Variants in GRID1 observed in about 807,000 individuals in gnomAD.
GRID1 encodes the protein glutamate ionotropic receptor delta type subunit 1, also known as glutamate receptor ionotropic, delta-1.
In GRID1, 28 loss-of-function variants were observed where a neutral mutation model predicts 98.0. The observed-to-expected ratio is 0.29, with a 90% CI of 0.21 to 0.39. The LOEUF is 0.39. Among genes scored for constraint, GRID1 ranks in the 10% least tolerant of loss-of-function variants. The pLI is 1.00. For synonymous variants in GRID1, 553 were observed against 538.5 expected, an observed-to-expected ratio of 1.03 and a Z score of -0.37; for missense variants, 1,111 against 1,340.5, an observed-to-expected ratio of 0.83 and a Z score of 2.67.
At chr10:86,270,942 G>A (rs1460701371) in intron 2 of GRID1, among the ~76,000 whole-genome samples, 1 of 152,178 alleles carries the variant, frequency 6.6e-6, no homozygotes, top group African/African-American at 2.4e-5. Context: ...TGACACAGGA[G>A]GCAGAGTCTA....
chr10:86,210,718 A>G (rs1157264382), intron 2 of GRID1, among the ~76,000 whole-genome samples: 1 of 152,258 alleles, frequency 6.6e-6, no homozygotes, highest in Non-Finnish European at 1.5e-5. Flanking sequence ...CCAGGCGCTA[A>G]TGGAGAGGCC....
At chr10:85,624,778 T>C (rs953855564) in intron 13 of GRID1, among the ~76,000 whole-genome samples, 4 of 152,192 alleles carry the variant, frequency 2.6e-5, no homozygotes, top group African/African-American at 9.6e-5. Context: ...TGTTTAAAGC[T>C]GCTCATGTCT....
chr10:86,197,746 C>T (rs1006727425), intron 3 of GRID1, among the ~76,000 whole-genome samples: 15 of 152,026 alleles, frequency 9.9e-5, no homozygotes, highest in Admixed American at 3.3e-4. Flanking sequence ...TGTCTCCAGA[C>T]GCACTCTGGA....
chr10:85,643,006 G>A (rs113051716), intron 13 of GRID1, among the ~76,000 whole-genome samples: 2,354 of 152,154 alleles, frequency 0.015, 65 homozygotes, highest in African/African-American at 0.053. Context: ...TTCTGATACC[G>A]TGGACAAGTG....
intron 3 of GRID1, among the ~76,000 whole-genome samples, chr10:86,141,303 G>T (rs1037571304): frequency 1.3e-5 from 2 of 152,174 alleles, no homozygotes; most frequent in Non-Finnish European, 2.9e-5. Flanking sequence ...GGGCCATGGG[G>T]ATCTGTAGCT....
chr10:86,053,933 C>A (rs1374271548), intron 4 of GRID1, among the ~76,000 whole-genome samples: 2 of 152,228 alleles, frequency 1.3e-5, no homozygotes, highest in Non-Finnish European at 2.9e-5. Flanking sequence ...CTCTTACACA[C>A]ACAGTCAGCC....
chr10:85,633,414 G>A (rs145630387), intron 13 of GRID1, among the ~76,000 whole-genome samples: 4 of 152,098 alleles, frequency 2.6e-5, no homozygotes, highest in Admixed American at 6.5e-5. Context: ...TGCCTTTAAC[G>A]GAGCGTTTGA....
intron 3 of GRID1, among the ~76,000 whole-genome samples, chr10:86,156,897 TG>T (rs1303490543): frequency 6.7e-6 from 1 of 150,194 alleles, no homozygotes; most frequent in African/African-American, 2.5e-5. Context: ...TGGACAAGAG[TG>T]GGAGGTGTGG....
At chr10:86,250,631 T>A (rs12783520) in intron 2 of GRID1, among the ~76,000 whole-genome samples, 3 of 135,806 alleles carry the variant, frequency 2.2e-5, no homozygotes, top group South Asian at 2.3e-4. Flanking sequence ...CCAGCTGCCC[T>A]GTCTGGGAGG....
At chr10:85,638,025 ATACT>A (rs1422332934) in intron 13 of GRID1, among the ~76,000 whole-genome samples, 1 of 152,220 alleles carries the variant, frequency 6.6e-6, no homozygotes, top group East Asian at 1.9e-4. Flanking sequence ...TATAGCTCTA[ATACT>A]TATATTAGGA....
At chr10:86,063,949 T>G (rs767961260) in intron 4 of GRID1, among the ~76,000 whole-genome samples, 27 of 152,190 alleles carry the variant, frequency 1.8e-4, no homozygotes, top group Non-Finnish European at 2.6e-4. Context: ...AAACCAACGC[T>G]ATTTACTACC....
At chr10:85,866,793 C>A (rs1843225680) in intron 6 of GRID1, among the ~76,000 whole-genome samples, 1 of 152,264 alleles carries the variant, frequency 6.6e-6, no homozygotes, top group Non-Finnish European at 1.5e-5. Flanking sequence ...TGGCTAGTAA[C>A]TAGAGTTATC....
chr10:85,794,078 A>G (rs78451629), intron 8 of GRID1, among the ~76,000 whole-genome samples: 5,072 of 152,314 alleles, frequency 0.033, 127 homozygotes, highest in Non-Finnish European at 0.047. Flanking sequence ...CTTGAAGGAC[A>G]GCATCTCCGA....
chr10:86,159,129 C>T lies in GRID1; in HGVS notation c.521-20105G>A, dbSNP rs995605894. On this transcript the variant is annotated intron_variant, in intron 3 of 15. Coordinates refer to ENST00000327946, the MANE Select transcript of GRID1 (RefSeq NM_017551.3). Reference sequence around the variant, plus strand: ...CAGGATGGTCTCAATCTCCTGACCTCGTGATCCGCCTGCCTCGGCCTCCCA... The same window carrying T: ...CAGGATGGTCTCAATCTCCTGACCTTGTGATCCGCCTGCCTCGGCCTCCCA... Among the ~76,000 whole-genome samples the T allele has an allele frequency of 2.6e-5, 4 of 152,170 alleles. No individual in the cohort carries two copies. The South Asian group carries it at 6.3e-4, about 24-fold the overall frequency.
At chr10:86,186,534 A>C (rs1845727730) in intron 3 of GRID1, among the ~76,000 whole-genome samples, 1 of 151,846 alleles carries the variant, frequency 6.6e-6, no homozygotes, top group African/African-American at 2.4e-5. Context: ...TCTCTAAGGG[A>C]CAATGGGGCT....
At chr10:86,142,691 G>A (rs551231342) in intron 3 of GRID1, among the ~76,000 whole-genome samples, 216 of 152,320 alleles carry the variant, frequency 1.4e-3, no homozygotes, top group Admixed American at 4.2e-3. Context: ...CTTTCTGCAC[G>A]TTTACATAAG....
Position 85,721,702 on chromosome 10 carries a change from G to T in GRID1, c.1997+1301C>A, listed in dbSNP as rs551523056. Among the ~76,000 whole-genome samples the T allele has an allele frequency of 6.6e-5, 10 of 152,312 alleles. No homozygotes were observed. The South Asian group carries it at 2.1e-3, about 32-fold the overall frequency. ...AGTTGGGGACAGAGTGTCAGGGGAA[G>T]AAATGTGAAAAATATTTGGGTGGTT... On this transcript the variant is annotated intron_variant, in intron 12 of 15. Transcript: ENST00000327946.
Position 86,213,235 on chromosome 10 carries a change from C to G in GRID1, c.236-6587G>C, listed in dbSNP as rs553020338. 2.8e-3 allele frequency among the ~76,000 whole-genome samples: 426 copies of G among 152,254 alleles called. 4 individuals are homozygous for G. The highest frequency in any genetic ancestry group is 9.6e-3 in the African/African-American group (398 of 41,544). On this transcript the variant is annotated intron_variant, in intron 2 of 15. Transcript: ENST00000327946. ...AACTCAGGGTGGATCAACCTGCCCACGCTCCTCCACACTGCCGGCAAGCAG... is the reference window on the plus strand; with the variant it reads ...AACTCAGGGTGGATCAACCTGCCCAGGCTCCTCCACACTGCCGGCAAGCAG...
intron 4 of GRID1, among the ~76,000 whole-genome samples, chr10:86,070,479 C>T (rs988911482): frequency 2.6e-5 from 4 of 152,208 alleles, no homozygotes; most frequent in Admixed American, 6.5e-5. Flanking sequence ...GGGATGGGCA[C>T]AGGCACCAGA....
Sources: gnomAD v4.1 joint callset for allele counts (sites outside exome capture counted in the v4.1 genomes callset) on GRCh38, gnomAD v4.1.1 for gene constraint, MANE v1.5 for transcripts, NCBI Gene and HGNC (gene_info 2026-07-23, HGNC 2026-07-21) for gene names.